Variants in SLC25A24 observed in about 807,000 individuals in gnomAD.
SLC25A24 encodes solute carrier family 25 member 24.
SLC25A24 carries 49 observed loss-of-function variants against 60.7 expected under a neutral mutation model. The observed-to-expected ratio is 0.81, with a 90% CI of 0.64 to 1.02. The LOEUF is 1.02. SLC25A24 is among the 50% of genes least tolerant of loss of function. The probability of loss-of-function intolerance (pLI) is 0.00; values close to 1 mark genes in which losing one functional copy is unlikely to be tolerated. For missense variants in SLC25A24, 564 were observed against 586.3 expected (o/e 0.96, Z 0.39); for synonymous variants, 202 against 200.6 (o/e 1.01, Z -0.06).
chr1:108,173,570 T>C (rs1322151149), intron 3 of SLC25A24, among the ~76,000 whole-genome samples: 2 of 151,702 alleles, frequency 1.3e-5, no homozygotes, highest in African/African-American at 2.4e-5. Flanking sequence ...GTACTAGGAG[T>C]TGGGTGCTAC....
intron 5 of SLC25A24, among the ~76,000 whole-genome samples, chr1:108,157,220 G>A (rs1249366366): frequency 6.6e-6 from 1 of 152,164 alleles, no homozygotes; most frequent in Non-Finnish European, 1.5e-5. Context: ...TTAAATGTTT[G>A]AATAGTCATA....
chr1:108,162,806 C>A (rs1680126271), intron 3 of SLC25A24, among the ~76,000 whole-genome samples: 1 of 150,452 alleles, frequency 6.6e-6, no homozygotes, highest in Admixed American at 6.6e-5. Context: ...TAATTAGATC[C>A]CATTTGTCAA....
chr1:108,173,136 G>A (rs945704639), intron 3 of SLC25A24, among the ~76,000 whole-genome samples: 4 of 152,134 alleles, frequency 2.6e-5, no homozygotes, highest in African/African-American at 2.4e-5. Flanking sequence ...GTAGGGCAAG[G>A]TGGGTGGATT....
chr1:108,160,903 C>T (rs1680056002), intron 4 of SLC25A24, among the ~76,000 whole-genome samples: 1 of 152,114 alleles, frequency 6.6e-6, no homozygotes. Context: ...GGCAGCAGTA[C>T]AGTCCAGCTT....
chr1:108,194,730 T>C (rs1648440684), intron 1 of SLC25A24, among the ~76,000 whole-genome samples: 2 of 152,216 alleles, frequency 1.3e-5, no homozygotes, highest in African/African-American at 2.4e-5. Flanking sequence ...TGAAGAACGC[T>C]GTCAGTGTTG....
At chr1:108,140,126 A>G (rs1483187492) in intron 8 of SLC25A24, among the ~76,000 whole-genome samples, 1 of 152,136 alleles carries the variant, frequency 6.6e-6, no homozygotes, top group East Asian at 1.9e-4. Context: ...TTAATTTTTT[A>G]ATCCTGTAAG....
chr1:108,168,247 G>A (rs1647286801), intron 3 of SLC25A24, among the ~76,000 whole-genome samples: 1 of 152,096 alleles, frequency 6.6e-6, no homozygotes, highest in South Asian at 2.1e-4. Flanking sequence ...CAGCACAGAG[G>A]TATATCTGCA....
rs759932494 is a variant in SLC25A24, at chr1:108,143,654, A to T, written c.987T>A (p.Asp329Glu). The T allele has an allele frequency of 3.1e-6, 5 of 1,613,878 alleles. No homozygotes were observed. The African/African-American group carries it at 6.7e-5, about 22-fold the overall frequency. ...GKTGQYSGIY[D>E]CAKKILKHEG... ...CATGTTTCAAAATCTTCTTGGCACA[A>T]TCATATATTCCAGAGTACTGCCCAG... Residue 329 changes from aspartate to glutamate, a missense_variant, in exon 8 of 10, where the codon GAT (aspartate) becomes GAA (glutamate). Physicochemically the swap from Asp to Glu is conservative, Grantham distance 45 (BLOSUM62 2). Coordinates refer to ENST00000565488, the MANE Select transcript of SLC25A24 (RefSeq NM_013386.5).
At chr1:108,189,714 G>A (rs1558027902) in intron 1 of SLC25A24, among the ~76,000 whole-genome samples, 1 of 151,446 alleles carries the variant, frequency 6.6e-6, no homozygotes, top group South Asian at 2.1e-4. Context: ...TACTCCGGAG[G>A]TTGAGGCACA....
At chr1:108,195,432 C>G (rs1648464377) in intron 1 of SLC25A24, among the ~76,000 whole-genome samples, 1 of 152,068 alleles carries the variant, frequency 6.6e-6, no homozygotes, top group African/African-American at 2.4e-5. Context: ...TATTTTATAC[C>G]TTACTAAAGA....
intron 1 of SLC25A24, among the ~76,000 whole-genome samples, chr1:108,189,915 A>G (rs114886157): frequency 0.051 from 7,802 of 151,754 alleles, 269 homozygotes; most frequent in South Asian, 0.094. Context: ...TATAGGGTTC[A>G]ATATTACCCA....
At chr1:108,167,298 T>C (rs1258223665) in intron 3 of SLC25A24, among the ~76,000 whole-genome samples, 2 of 151,704 alleles carry the variant, frequency 1.3e-5, no homozygotes, top group East Asian at 1.9e-4. Flanking sequence ...GCAGGCCTCC[T>C]TGAGCTGTGG....
At chr1:108,171,122 A>T (rs1243318857) in intron 3 of SLC25A24, among the ~76,000 whole-genome samples, 1 of 151,720 alleles carries the variant, frequency 6.6e-6, no homozygotes, top group Non-Finnish European at 1.5e-5. Flanking sequence ...GGATTGTTTC[A>T]ATCTTATGTT....
At chr1:108,154,114 A>T (rs1679824581) in intron 6 of SLC25A24, among the ~76,000 whole-genome samples, 1 of 148,726 alleles carries the variant, frequency 6.7e-6, no homozygotes. Context: ...TAGGCAAAGA[A>T]AAGGATACCA....
At chr1:108,144,209 A>G (rs997747908) in intron 7 of SLC25A24, among the ~76,000 whole-genome samples, 14 of 152,330 alleles carry the variant, frequency 9.2e-5, no homozygotes, top group Admixed American at 9.2e-4. Flanking sequence ...ATTAGCATGC[A>G]TACCACATAT....
rs55861360 is a variant in SLC25A24 at position 108,155,240 on chromosome 1, G to A, written c.670-105C>T. The A allele has an allele frequency of 1.1e-3, 1,049 of 947,704 alleles. 8 individuals are homozygous for A. In the African/African-American group the frequency reaches 0.015, roughly 13 times the overall value. The allele number at this position is 947,704 out of a possible 1,614,324, so 58.7% of individuals were successfully genotyped here. Reference sequence around the variant, plus strand: ...TCAATACCCTTTCTAACTGCAAGAAGATATATTTGAAAATAAAATATAGAA... The same window carrying A: ...TCAATACCCTTTCTAACTGCAAGAAAATATATTTGAAAATAAAATATAGAA... On this transcript the variant is annotated intron_variant, in intron 5 of 9. Coordinates refer to ENST00000565488, the MANE Select transcript of SLC25A24 (RefSeq NM_013386.5).
intron 1 of SLC25A24, among the ~76,000 whole-genome samples, chr1:108,197,599 G>C (rs146745687): frequency 3.1e-4 from 47 of 152,270 alleles, no homozygotes; most frequent in African/African-American, 1.1e-3. Context: ...TTAATTTTAT[G>C]TATCAACTCG....
At chr1:108,140,817 TAC>T (rs1679424734) in intron 8 of SLC25A24, among the ~76,000 whole-genome samples, 1 of 16,842 alleles carries the variant, frequency 5.9e-5, no homozygotes. Context: ...AACATATCAC[TAC>T]AAAAAAAAAA....
chr1:108,160,522 G>C (rs1680040326), intron 4 of SLC25A24, among the ~76,000 whole-genome samples: 1 of 152,142 alleles, frequency 6.6e-6, no homozygotes, highest in East Asian at 1.9e-4. Context: ...GCCAGGCAGA[G>C]ACGCTCCTCA....
Sources: gnomAD v4.1 joint callset for allele counts (sites outside exome capture counted in the v4.1 genomes callset) on GRCh38, gnomAD v4.1.1 for gene constraint, MANE v1.5 for transcripts, NCBI Gene and HGNC (gene_info 2026-07-23, HGNC 2026-07-21) for gene names.